Variants in HPRT1 observed in about 807,000 individuals in gnomAD.
HPRT1 encodes hypoxanthine phosphoribosyltransferase 1.
A neutral mutation model predicts 19.0 loss-of-function variants in HPRT1; 4 were observed. That is an observed-to-expected ratio of 0.21 (90% CI 0.10 to 0.48). The LOEUF (loss-of-function observed/expected upper bound fraction) is 0.48. HPRT1 is among the 20% of genes least tolerant of loss of function. The probability of loss-of-function intolerance (pLI) is 0.98; values close to 1 mark genes in which losing one functional copy is unlikely to be tolerated. For missense variants in HPRT1, 65 were observed against 164.0 expected, an observed-to-expected ratio of 0.40 and a Z score of 3.30; for synonymous variants, 53 against 54.9, an observed-to-expected ratio of 0.97 and a Z score of 0.15.
intron 1 of HPRT1, 71 bp downstream of exon 1, chrX:134,460,409 G>A: frequency 1.1e-6 from 1 of 902,929 alleles, no homozygotes; most frequent in South Asian, 3.7e-5. Context: ...GCCCTGAGGC[G>A]CGGGATCCGC....
intron 3 of HPRT1, among the ~76,000 whole-genome samples, chrX:134,479,606 T>C (rs1200941992): frequency 9.1e-6 from 1 of 109,776 alleles, no homozygotes; most frequent in Non-Finnish European, 1.9e-5. Context: ...GTTGTTTTGT[T>C]TTTGTTTTTG....
intron 1 of HPRT1, among the ~76,000 whole-genome samples, chrX:134,461,077 T>C (rs1367120940): frequency 2.7e-5 from 3 of 111,826 alleles, no homozygotes; most frequent in Non-Finnish European, 5.6e-5. Flanking sequence ...CTCTGGTATC[T>C]TAGCTCCACC....
chrX:134,472,865 G>A (rs1245602551), intron 1 of HPRT1, among the ~76,000 whole-genome samples: 4 of 108,148 alleles, frequency 3.7e-5, no homozygotes, highest in South Asian at 4.0e-4. Flanking sequence ...GTGAGCCACC[G>A]CGCCCAGCCT....
intron 1 of HPRT1, among the ~76,000 whole-genome samples, chrX:134,466,592 A>G (rs953480849): frequency 2.7e-5 from 3 of 111,699 alleles, no homozygotes; most frequent in African/African-American, 9.8e-5. Flanking sequence ...AGTTTCTGTT[A>G]AGTCACTCAG....
At chrX:134,477,681 G>GT (rs1008974679) in intron 3 of HPRT1, among the ~76,000 whole-genome samples, 8 of 109,696 alleles carry the variant, frequency 7.3e-5, no homozygotes, top group African/African-American at 2.0e-4. Flanking sequence ...TTGAAGTAAA[G>GT]TTTTTTTTTA....
intron 3 of HPRT1, among the ~76,000 whole-genome samples, chrX:134,480,950 G>A (rs755849728): frequency 1.8e-5 from 2 of 108,249 alleles, no homozygotes; most frequent in South Asian, 8.2e-4. Context: ...TATTAAAAAT[G>A]CAGAAAATAT....
rs374646638 is a variant in HPRT1, at chrX:134,473,385, C to A, written c.54C>A (p.Asp18Glu). Residue 18 changes from aspartate to glutamate, a missense_variant, in exon 2 of 9, where the codon GAC becomes GAA. Around this residue, in one of 4 missense-constraint regions of HPRT1, gnomAD observed 23 missense variants for 29.3 expected, o/e 0.79. Transcript: ENST00000298556. The stretch of plus-strand genomic sequence containing the variant: ...TTAGTGATGATGAACCAGGTTATGA[C>A]CTTGATTTATTTTGCATACCTAATC... Reference protein sequence around the residue: ...VVISDDEPGYDLDLFCIPNHY... With the variant: ...VVISDDEPGYELDLFCIPNHY... The A allele has an allele frequency of 8.4e-7, 1 of 1,187,783 alleles. No homozygotes were observed. Among genetic ancestry groups the A allele is most frequent in the Non-Finnish European group, 1.1e-6 (1 of 874,055 alleles).
intron 8 of HPRT1, 149 bp downstream of exon 8, chrX:134,498,833 C>T: frequency 2.0e-6 from 1 of 489,988 alleles, no homozygotes; most frequent in East Asian, 3.7e-5. Context: ...GTACAGACGT[C>T]CTTAGAACTG....
At position 134,463,007 on chromosome X, in the gene HPRT1, A is replaced by G. The variant is rs762070571; in HGVS notation, c.27+2669A>G. 5.3e-5 allele frequency among the ~76,000 whole-genome samples: 6 copies of G among 112,360 alleles called. No homozygotes were observed. In the East Asian group the frequency reaches 1.7e-3, roughly 31 times the overall value. ...TAAGTTAGTAGTGACAATAGTAGGT[A>G]TTTATTGAATACTTAACTATGTTTT... On this transcript the variant is annotated intron_variant, in intron 1 of 8. Coordinates refer to ENST00000298556, the MANE Select transcript of HPRT1 (RefSeq NM_000194.3).
intron 6 of HPRT1, among the ~76,000 whole-genome samples, chrX:134,496,618 T>C (rs2077680947): frequency 8.9e-6 from 1 of 112,136 alleles, no homozygotes. Context: ...GGAAATAGAA[T>C]TGAAGTGTCT....
At chrX:134,466,247 ATC>A (rs1388639107) in intron 1 of HPRT1, among the ~76,000 whole-genome samples, 1 of 109,585 alleles carries the variant, frequency 9.1e-6, no homozygotes, top group Admixed American at 9.9e-5. Flanking sequence ...GTGAAACACC[ATC>A]TCTACTAAAA....
chrX:134,498,587 A>T (rs2124305292), intron 7 of HPRT1, 21 bp from the exon 8 acceptor site: 1 of 1,111,237 alleles, frequency 9.0e-7, no homozygotes, highest in East Asian at 3.0e-5. Context: ...TATCTAAATG[A>T]TGAATTATGA....
intron 2 of HPRT1, among the ~76,000 whole-genome samples, chrX:134,474,081 T>C (rs187660896): frequency 2.4e-4 from 27 of 112,032 alleles, no homozygotes; most frequent in African/African-American, 8.4e-4. Context: ...TTTTAACGTA[T>C]GAGTATAGTT....
chrX:134,484,383 A>G (rs2077647222), intron 3 of HPRT1, among the ~76,000 whole-genome samples: 1 of 111,827 alleles, frequency 8.9e-6, no homozygotes, highest in African/African-American at 3.2e-5. Context: ...AGTTAGTTAG[A>G]ATAAGGGATG....
chrX:134,477,517 T>C (rs1275045377), intron 3 of HPRT1, among the ~76,000 whole-genome samples: 1 of 111,520 alleles, frequency 9.0e-6, no homozygotes, highest in Non-Finnish European at 1.9e-5. Flanking sequence ...AAAGCTCTTC[T>C]GATAATATCT....
intron 3 of HPRT1, among the ~76,000 whole-genome samples, chrX:134,484,723 T>C (rs759920997): frequency 8.0e-5 from 9 of 112,505 alleles, no homozygotes; most frequent in Non-Finnish European, 1.3e-4. Flanking sequence ...TATCAGGTGC[T>C]TTTTAATAGT....
At chrX:134,469,183 C>G (rs889715135) in intron 1 of HPRT1, among the ~76,000 whole-genome samples, 8 of 110,816 alleles carry the variant, frequency 7.2e-5, no homozygotes, top group African/African-American at 2.6e-4. Flanking sequence ...TTAGAACCCC[C>G]CCAATATACC....
intron 5 of HPRT1, among the ~76,000 whole-genome samples, chrX:134,492,771 A>G (rs887452870): frequency 1.8e-5 from 2 of 111,811 alleles, no homozygotes; most frequent in Non-Finnish European, 3.8e-5. Context: ...CTGTGTGTGT[A>G]CACCAGGAGG....
At chrX:134,478,026 A>G (rs2077630323) in intron 3 of HPRT1, among the ~76,000 whole-genome samples, 1 of 112,050 alleles carries the variant, frequency 8.9e-6, no homozygotes, top group South Asian at 3.7e-4. Context: ...GTCATGTAAG[A>G]TATTCATATA....
Sources: allele counts gnomAD v4.1 joint callset (sites outside exome capture counted in the v4.1 genomes callset), GRCh38; gene constraint gnomAD v4.1.1; regional missense constraint gnomAD v4.1.1; transcripts MANE v1.5; gene names NCBI Gene and HGNC (gene_info 2026-07-23, HGNC 2026-07-21).